Variants in P4HA3 observed in about 807,000 individuals in gnomAD.
P4HA3 encodes prolyl 4-hydroxylase subunit alpha-3.
P4HA3 carries 60 observed loss-of-function variants against 66.7 expected under a neutral mutation model. The observed-to-expected ratio is 0.90, with a 90% CI of 0.73 to 1.12. P4HA3 has a LOEUF of 1.12. Among genes scored for constraint, P4HA3 ranks in the 50% most tolerant of loss-of-function variants. The pLI is 0.00. For missense variants in P4HA3, 683 were observed against 685.8 expected (o/e 1.00, Z 0.05); for synonymous variants, 263 against 274.6 (o/e 0.96, Z 0.42).
chr11:74,259,235 CG>C (rs1206340922), intron 15 of P4HA3, among the ~76,000 whole-genome samples: 4 of 152,046 alleles, frequency 2.6e-5, no homozygotes, highest in Admixed American at 2.0e-4. Flanking sequence ...AAAAATTAGC[CG>C]GGTGTGGTGG....
chr11:74,285,852 C>T lies in P4HA3; in HGVS notation c.1067G>A (p.Ser356Asn), dbSNP rs750612853. ...TCTAATTTTCTGAGCCTCTGAGTCA[C>T]TGACGAAGTCATGGTAGAGAGCAAT... ...PYIALYHDFV[S>N]DSEAQKIREL... Residue 356 changes from serine to asparagine, a missense_variant, in exon 7 of 13, where the codon AGT (serine) becomes AAT (asparagine). Physicochemically the swap from Ser to Asn is conservative, Grantham distance 46 (BLOSUM62 1). Coordinates refer to ENST00000331597, the MANE Select transcript of P4HA3 (RefSeq NM_182904.5). 5 of 1,614,094 alleles carry T rather than the reference C, an allele frequency of 3.1e-6. No homozygotes were observed. In the Admixed American group the frequency reaches 8.3e-5, roughly 27 times the overall value.
At chr11:74,250,233 C>T (rs2135683256) in intron 15 of P4HA3, 1 of 152,250 alleles carries the variant, frequency 6.6e-6, no homozygotes, top group African/African-American at 2.4e-5. Context: ...CTCTGGGTCT[C>T]ATATCCTTTA....
At chr11:74,276,339 G>A (rs1860392759) in intron 9 of P4HA3, among the ~76,000 whole-genome samples, 1 of 152,140 alleles carries the variant, frequency 6.6e-6, no homozygotes, top group African/African-American at 2.4e-5. Context: ...GAGGTGGGAG[G>A]ATCGCTTGAG....
At chr11:74,288,966 A>AT in intron 5 of P4HA3, 113 bp downstream of exon 5, 2 of 727,962 alleles carry the variant, frequency 2.7e-6, no homozygotes, top group South Asian at 4.7e-5. Flanking sequence ...AAAAAAAAAA[A>AT]GATAATAAAG....
At chr11:74,303,334 G>A (rs555974321) in intron 2 of P4HA3, among the ~76,000 whole-genome samples, 12 of 136,670 alleles carry the variant, frequency 8.8e-5, no homozygotes, top group Middle Eastern at 4.4e-3. Flanking sequence ...TTGCTCAGTC[G>A]CCCAGGCTAG....
downstream of P4HA3, among the ~76,000 whole-genome samples, chr11:74,262,033 G>A (rs1437105126): frequency 6.6e-6 from 1 of 152,188 alleles, no homozygotes; most frequent in Non-Finnish European, 1.5e-5. Context: ...AACGTGATAA[G>A]CAGATGAACA....
At chr11:74,286,087 A>G in intron 6 of P4HA3, 102 bp from the exon 7 acceptor site, 1 of 1,491,658 alleles carries the variant, frequency 6.7e-7, no homozygotes, top group Non-Finnish European at 9.2e-7. Context: ...CAAGAGATAC[A>G]GAATGTGGTC....
chr11:74,309,184 T>G (rs1861654856), intron 1 of P4HA3, among the ~76,000 whole-genome samples: 1 of 152,256 alleles, frequency 6.6e-6, no homozygotes, highest in Admixed American at 6.5e-5. Context: ...TTAGATTTAT[T>G]AATACAATCT....
Position 74,279,387 on chromosome 11 carries a change from C to T in P4HA3, c.1175+1G>A. On this transcript the variant is annotated splice_donor_variant, in intron 8 of 12. Coordinates refer to ENST00000331597, the MANE Select transcript of P4HA3 (RefSeq NM_182904.5). LOFTEE classifies it high-confidence loss of function. ...TATGACCAAGGAAGGGCCCTTCTTA[C>T]CTTTTGCTGATGCGGTACTCCACTT... 2 of 1,613,800 alleles carry T rather than the reference C, an allele frequency of 1.2e-6. No individual in the cohort carries two copies. Among genetic ancestry groups the T allele is most frequent in the Non-Finnish European group, 8.5e-7 (1 of 1,179,724 alleles).
chr11:74,263,605 A>G (rs2135698248), downstream of P4HA3, among the ~76,000 whole-genome samples: 1 of 152,352 alleles, frequency 6.6e-6, no homozygotes, highest in Admixed American at 6.5e-5. Flanking sequence ...TAAAATGGGC[A>G]TAATAGAACT....
At chr11:74,299,682 AAC>A (rs1415966321) in intron 3 of P4HA3, among the ~76,000 whole-genome samples, 4 of 151,176 alleles carry the variant, frequency 2.6e-5, no homozygotes, top group South Asian at 2.1e-4. Flanking sequence ...AAAAAAAAAA[AAC>A]AACAGAAAAT....
intron 15 of P4HA3, chr11:74,259,857 C>G (rs1180210863): frequency 6.6e-6 from 1 of 152,158 alleles, no homozygotes; most frequent in Non-Finnish European, 1.5e-5. Flanking sequence ...CACCTTTTGA[C>G]GATTGTGAAT....
chr11:74,304,625 G>T (rs913655574), intron 1 of P4HA3, among the ~76,000 whole-genome samples: 1 of 152,118 alleles, frequency 6.6e-6, no homozygotes, highest in African/African-American at 2.4e-5. Context: ...TTCACTGAAT[G>T]AGTCAGTCTA....
intron 7 of P4HA3, among the ~76,000 whole-genome samples, chr11:74,283,093 A>G (rs10898975): frequency 0.15 from 23,524 of 152,112 alleles, 2,117 homozygotes; most frequent in East Asian, 0.3. Context: ...TTCAGTTCCC[A>G]TGGGGAAGCC....
In P4HA3 at chr11:74,273,611, AG is replaced by A; in HGVS notation, c.1336-5del. The A allele has an allele frequency of 6.4e-7, 1 of 1,555,530 alleles. No homozygotes were observed. The highest frequency in any genetic ancestry group is 2.1e-5 in the Admixed American group (1 of 46,864). ...TGTAGAGGGGGCTGCTTGGTGACTGAGAAAAAAAAAAACAGAACATATTATT... is the reference window on the plus strand; with the variant it reads ...TGTAGAGGGGGCTGCTTGGTGACTGAAAAAAAAAAAACAGAACATATTATT... On this transcript the variant is annotated splice_region_variant and splice_polypyrimidine_tract_variant and intron_variant, in intron 9 of 12. Transcript: ENST00000331597.
At chr11:74,263,300 T>TATC (rs1046553651), downstream of P4HA3, among the ~76,000 whole-genome samples, 1 of 152,250 alleles carries the variant, frequency 6.6e-6, no homozygotes, top group African/African-American at 2.4e-5. Flanking sequence ...ATTCAACAGA[T>TATC]ATCTACATCT....
chr11:74,251,053 CTG>C, intron 15 of P4HA3: 1 of 1,567,044 alleles, frequency 6.4e-7, no homozygotes, highest in South Asian at 1.2e-5. Flanking sequence ...AAAAGGACAA[CTG>C]TGAGAATAAC....
intron 4 of P4HA3, among the ~76,000 whole-genome samples, chr11:74,290,803 T>C (rs1860992808): frequency 1.3e-5 from 2 of 152,242 alleles, no homozygotes; most frequent in African/African-American, 2.4e-5. Flanking sequence ...CATTGGTCTA[T>C]ATCTCTGTTT....
intron 4 of P4HA3, among the ~76,000 whole-genome samples, chr11:74,291,380 G>A (rs528304577): frequency 1.3e-5 from 2 of 152,292 alleles, no homozygotes; most frequent in African/African-American, 4.8e-5. Flanking sequence ...ATACAATCAT[G>A]TCATCTGCAA....
Sources: allele counts gnomAD v4.1 joint callset (sites outside exome capture counted in the v4.1 genomes callset), GRCh38; gene constraint gnomAD v4.1.1; transcripts MANE v1.5; gene names NCBI Gene and HGNC (gene_info 2026-07-23, HGNC 2026-07-21).